TACC3: variants seen among roughly 807,000 people sequenced by gnomAD.
The protein encoded by TACC3 is transforming acidic coiled-coil containing protein 3, also known as transforming acidic coiled-coil-containing protein 3.
In TACC3, 52 loss-of-function variants were observed where a neutral mutation model predicts 86.0. The observed-to-expected ratio is 0.60, with a 90% CI of 0.48 to 0.76. The LOEUF is 0.76. TACC3 is among the 30% of genes least tolerant of loss of function. TACC3 has a pLI of 0.00. For missense variants in TACC3, 1,120 were observed against 1,070.4 expected (o/e 1.05, Z -0.65); for synonymous variants, 512 against 430.0 (o/e 1.19, Z -2.36).
At chr4:1,724,030 G>A (rs780524671) in intron 3 of TACC3, among the ~76,000 whole-genome samples, 160 bp downstream of exon 3, 1 of 151,682 alleles carries the variant, frequency 6.6e-6, no homozygotes, top group Non-Finnish European at 1.5e-5. Flanking sequence ...GTGCAGTGGC[G>A]CGATGTCCGC....
chr4:1,720,691 C>A (rs1560283065), upstream of TACC3: 1 of 1,552,874 alleles, frequency 6.4e-7, no homozygotes, highest in East Asian at 2.4e-5. The surrounding 1 kb of genome is among the most constrained non-coding windows in gnomAD (Gnocchi z 4.4). Flanking sequence ...AGTGGAAGGG[C>A]ACGAAGGCGG....
intron 6 of TACC3, among the ~76,000 whole-genome samples, 165 bp downstream of exon 6, chr4:1,731,466 TAGTC>T (rs1003573891): frequency 2.0e-5 from 3 of 152,200 alleles, no homozygotes; most frequent in African/African-American, 7.2e-5. Flanking sequence ...TGTCAAAACT[TAGTC>T]AGTGTTAGGA....
intron 8 of TACC3, among the ~76,000 whole-genome samples, chr4:1,736,685 G>C (rs997923666): frequency 5.3e-5 from 8 of 152,036 alleles, no homozygotes; most frequent in Non-Finnish European, 1.5e-5. Context: ...GAGGCGGGTG[G>C]ATCGCCTGAG....
intron 1 of TACC3, among the ~76,000 whole-genome samples, chr4:1,722,930 G>A (rs532002661): frequency 3.3e-5 from 5 of 152,212 alleles, no homozygotes; most frequent in South Asian, 2.1e-4. Flanking sequence ...TGCCTAGCCC[G>A]GTGGGAGAGA....
At position 1,735,207 on chromosome 4, in the gene TACC3, C is replaced by T. The variant is rs1718192455; in HGVS notation, c.1592-66C>T. On this transcript the variant is annotated intron_variant, in intron 6 of 15. Coordinates refer to ENST00000313288, the MANE Select transcript of TACC3 (RefSeq NM_006342.3). This position sits in a 1 kb window ranked among gnomAD's most constrained non-coding sequence, Gnocchi z 4.2. ...CTGCCTCACTGAGTGCTGAGGGAGA[C>T]ACCAGCCCGCCGCCCTTAGGGCCCT... 1.2e-6 allele frequency: 2 copies of T among 1,601,028 alleles called. No individual in the cohort carries two copies. Among genetic ancestry groups the T allele is most frequent in the African/African-American group, 1.3e-5 (1 of 74,680 alleles).
In TACC3 at chr4:1,728,620, C is replaced by G. The variant is rs1332113127; in HGVS notation, c.1218C>G (p.Asp406Glu). Residue 406 changes from aspartate (D) to glutamate (E), a missense_variant, in exon 4 of 16, where the codon GAC becomes GAG. Asp to Glu is a conservative substitution (Grantham distance 45). Transcript: ENST00000313288. ...MPASRGSYHL[D>E]WDKMDDPNFI... ...CTTCTCGGGGCTCTTACCACCTCGA[C>G]TGGGACAAAATGGATGACCCAAACT... 1 of 1,613,952 alleles carries G rather than the reference C, an allele frequency of 6.2e-7. No individual in the cohort carries two copies. The highest frequency in any genetic ancestry group is 1.7e-5 in the Admixed American group (1 of 60,028).
intron 1 of TACC3, chr4:1,721,860 G>A (rs953657476): frequency 1.3e-5 from 2 of 152,274 alleles, no homozygotes; most frequent in African/African-American, 4.8e-5. Flanking sequence ...CCCCCTGGAT[G>A]GTGGCCAGGG....
At position 1,728,013 on chromosome 4, in the gene TACC3, A is replaced by T. The variant is rs770678022; in HGVS notation, c.611A>T (p.Asp204Val). The change falls in exon 4 of 16, where the codon GAC (aspartate) becomes GTC (valine). Residue 204 changes from aspartate (D) to valine (V), a missense_variant. By Grantham distance (152) the Asp-to-Val change is radical. Transcript: ENST00000313288. ...RVTPASETLE[D>V]PCRTESQHKA... The stretch of plus-strand genomic sequence containing the variant: ...ACACCCGCCTCTGAGACCCTAGAAG[A>T]CCCTTGCAGGACAGAGTCCCAGCAC... The T allele has an allele frequency of 4.3e-6, 7 of 1,613,174 alleles. No individual in the cohort carries two copies. The highest frequency in any genetic ancestry group is 3.3e-4 in the Middle Eastern group (2 of 6,060).
intron 6 of TACC3, among the ~76,000 whole-genome samples, chr4:1,731,502 C>T (rs968310201): frequency 2.0e-5 from 3 of 152,146 alleles, no homozygotes; most frequent in Non-Finnish European, 4.4e-5. Flanking sequence ...ATACCTTTAA[C>T]ATAAAAGACT....
chr4:1,732,616 G>A (rs1718059330), intron 6 of TACC3, among the ~76,000 whole-genome samples: 1 of 152,242 alleles, frequency 6.6e-6, no homozygotes, highest in Admixed American at 6.5e-5. Flanking sequence ...GGCATGTAGG[G>A]TTTGTCGCTG....
Position 1,735,411 on chromosome 4 carries a change from G to C in TACC3, c.1644+86G>C. On this transcript the variant is annotated intron_variant, in intron 7 of 15. Transcript: ENST00000313288. The surrounding 1 kb of genome is among the most constrained non-coding windows in gnomAD (Gnocchi z 4.2). The stretch of plus-strand genomic sequence containing the variant: ...GGTCTTGCCCCCGGAGCGTCCCTTG[G>C]TGCCCACGTCCCCCCAGCTGCACAC... 2.7e-6 allele frequency: 4 copies of C among 1,490,244 alleles called. No homozygotes were observed. Among genetic ancestry groups the C allele is most frequent in the Non-Finnish European group, 3.7e-6 (4 of 1,070,744 alleles). 92.3% of individuals were successfully genotyped at this position (1,490,244 alleles called of 1,614,324 possible).
chr4:1,736,977 C>G (rs1411924438), intron 8 of TACC3, among the ~76,000 whole-genome samples: 1 of 152,036 alleles, frequency 6.6e-6, no homozygotes, highest in African/African-American at 2.4e-5. Flanking sequence ...TGGCTCCGCT[C>G]AGCCTGCAGT....
Position 1,737,278 on chromosome 4 carries a change from C to T in TACC3, c.1786C>T (p.Arg596Trp), listed in dbSNP as rs144084158. 3.2e-5 allele frequency: 52 copies of T among 1,613,984 alleles called. 1 individual carries two copies. The highest frequency in any genetic ancestry group is 2.8e-4 in the African/African-American group (21 of 74,910). The change falls in exon 9 of 16, where the codon CGG becomes TGG. Residue 596 changes from arginine to tryptophan, a missense_variant. Arg to Trp is a moderately radical substitution (Grantham distance 101). Coordinates refer to ENST00000313288, the MANE Select transcript of TACC3 (RefSeq NM_006342.3). ...GANETPSGRPREAKLVEFDFL... is the reference protein window; with the variant it reads ...GANETPSGRPWEAKLVEFDFL... ...AAATGAGACTCCCTCAGGACGTCCG[C>T]GGGAAGCCAAGCTTGTGGAGTTCGA...
chr4:1,728,188 A>C lies in TACC3; in HGVS notation c.786A>C (p.Gly262=), dbSNP rs1250218843. 1 of 1,611,790 alleles carries C rather than the reference A, an allele frequency of 6.2e-7. No homozygotes were observed. The highest frequency in any genetic ancestry group is 1.3e-5 in the African/African-American group (1 of 75,022). The change falls in exon 4 of 16, where the codon GGA becomes GGC. Residue 262 remains glycine, a synonymous_variant. Transcript: ENST00000313288. ...PGAIPKEACG[G]APLQGLPGEA... ...CAATCCCTAAGGAAGCCTGCGGAGGAGCACCCCTGCAGGGTCTGCCTGGCG... is the reference window on the plus strand; with the variant it reads ...CAATCCCTAAGGAAGCCTGCGGAGGCGCACCCCTGCAGGGTCTGCCTGGCG...
In TACC3 at chr4:1,723,851, G is replaced by A; in HGVS notation, c.286G>A (p.Val96Ile). 1 of 1,613,400 alleles carries A rather than the reference G, an allele frequency of 6.2e-7. No homozygotes were observed. Among genetic ancestry groups the A allele is most frequent in the Non-Finnish European group, 8.5e-7 (1 of 1,179,986 alleles). The change falls in exon 3 of 16, where the codon GTC (valine) becomes ATC (isoleucine). Residue 96 changes from valine to isoleucine, a missense_variant. Val to Ile is a conservative substitution (Grantham distance 29, BLOSUM62 3). Transcript: ENST00000313288. ...DTLGLENSHP[V>I]WTQKENQQLI... ...CCTTGGACTGGAAAACTCACACCCG[G>A]TCTGGACACAGAAAGAGAAGTAAGT...
At position 1,728,488 on chromosome 4, in the gene TACC3, C is replaced by T. The variant is rs798757; in HGVS notation, c.1086C>T (p.Gly362=). ...CAAGGAGACTGGGAGAGAGGTCCGG[C>T]CTCAAGCCTCCCTTGAGGAAAGCAG... is the stretch of plus-strand genomic sequence containing the variant. ...PPPRRLGERS[G]LKPPLRKAAV... is the part of the protein sequence containing the mutation. Residue 362 remains glycine (G), a synonymous_variant, in exon 4 of 16, where the codon GGC becomes GGT. Coordinates refer to ENST00000313288, the MANE Select transcript of TACC3 (RefSeq NM_006342.3). The T allele has an allele frequency of 5.8e-4, 930 of 1,613,916 alleles. 5 individuals are homozygous for T. In the African/African-American group the frequency reaches 9.6e-3, roughly 17 times the overall value.
Position 1,727,996 on chromosome 4 carries a change from C to T in TACC3, c.594C>T (p.Ala198=). 1 of 1,613,362 alleles carries T rather than the reference C, an allele frequency of 6.2e-7. No individual in the cohort carries two copies. The highest frequency in any genetic ancestry group is 8.5e-7 in the Non-Finnish European group (1 of 1,180,038). The change falls in exon 4 of 16, where the codon GCC becomes GCT. Residue 198 remains alanine, a synonymous_variant. Coordinates refer to ENST00000313288, the MANE Select transcript of TACC3 (RefSeq NM_006342.3). The part of the protein sequence containing the change: ...SYSLDRRVTP[A]SETLEDPCRT... Reference sequence around the variant, plus strand: ...CCTTAGACAGAAGAGTGACACCCGCCTCTGAGACCCTAGAAGACCCTTGCA... The same window carrying T: ...CCTTAGACAGAAGAGTGACACCCGCTTCTGAGACCCTAGAAGACCCTTGCA...
At position 1,735,387 on chromosome 4, in the gene TACC3, G is replaced by A. The variant is rs972740980; in HGVS notation, c.1644+62G>A. ...GGGTGTCCGAGAGCAGCCACGGCAG[G>A]TCTTGCCCCCGGAGCGTCCCTTGGT... On this transcript the variant is annotated intron_variant, in intron 7 of 15. Transcript: ENST00000313288. The surrounding 1 kb of genome is among the most constrained non-coding windows in gnomAD (Gnocchi z 4.2). 6.3e-7 allele frequency: 1 copy of A among 1,596,908 alleles called. No individual in the cohort carries two copies. The highest frequency in any genetic ancestry group is 1.3e-5 in the African/African-American group (1 of 74,622).
chr4:1,737,435 T>C (rs1718332505), intron 9 of TACC3, 107 bp downstream of exon 9: 1 of 1,247,838 alleles, frequency 8.0e-7, no homozygotes. Flanking sequence ...TTTGGTTTTG[T>C]TGGGGGCATG....
Sources: gnomAD v4.1 joint callset for allele counts (sites outside exome capture counted in the v4.1 genomes callset) on GRCh38, gnomAD v4.1.1 for gene constraint, Gnocchi (gnomAD v3.1) non-coding constraint, MANE v1.5 for transcripts, NCBI Gene and HGNC (gene_info 2026-07-23, HGNC 2026-07-21) for gene names.